SERPINB6: variants seen among roughly 807,000 people sequenced by gnomAD.
The protein encoded by SERPINB6 is serpin family B member 6.
In SERPINB6, 16 loss-of-function variants were observed where a neutral mutation model predicts 26.1. The ratio of observed to expected loss-of-function variants is 0.61; its 90% CI spans 0.42 to 0.93. SERPINB6 has a LOEUF of 0.93. Among genes scored for constraint, SERPINB6 ranks in the 40% least tolerant of loss-of-function variants. The pLI, the probability that SERPINB6 is intolerant of heterozygous loss-of-function variation, is 0.00. For missense variants in SERPINB6, 420 were observed against 478.0 expected (o/e 0.88, Z 1.13); for synonymous variants, 174 against 176.6 (o/e 0.99, Z 0.11).
intron 3 of SERPINB6, chr6:2,954,955 C>T (rs531123854): frequency 3.5e-5 from 16 of 460,842 alleles, no homozygotes; most frequent in South Asian, 1.2e-4. Flanking sequence ...TTTGGGGGGC[C>T]GAGGCGGGTG....
At chr6:2,964,181 G>A (rs1771401771) in intron 1 of SERPINB6, among the ~76,000 whole-genome samples, 3 of 152,068 alleles carry the variant, frequency 2.0e-5, no homozygotes. Context: ...GTATGATTTA[G>A]AATTATGTCA....
intron 4 of SERPINB6, 35 bp downstream of exon 4, chr6:2,954,557 G>T: frequency 6.8e-7 from 1 of 1,467,668 alleles, no homozygotes; most frequent in Non-Finnish European, 9.6e-7. Flanking sequence ...GGATTAAGAG[G>T]TTATTACAAA....
chr6:2,959,258 C>T lies in SERPINB6; in HGVS notation c.75G>A (p.Lys25=), dbSNP rs551674455. ...LLKTLGKDNS[K]NVFFSPMSMS... ...TGCTCATGGGTGAGAAAAACACATT[C>T]TTCGAGTTGTCTTTACCCAGCGTTT... Residue 25 remains lysine (K), a synonymous_variant, in exon 2 of 7, where the codon AAG becomes AAA. Coordinates refer to ENST00000380539, the MANE Select transcript of SERPINB6 (RefSeq NM_004568.6). The T allele has an allele frequency of 6.8e-6, 11 of 1,614,174 alleles. No homozygotes were observed. In the Admixed American group the frequency reaches 1.2e-4, roughly 17 times the overall value.
At chr6:2,952,904 C>G (rs972037287) in intron 5 of SERPINB6, 140 bp downstream of exon 5, 3 of 1,249,166 alleles carry the variant, frequency 2.4e-6, no homozygotes, top group Non-Finnish European at 3.4e-6. Flanking sequence ...GCCAGGCGCC[C>G]AGGGACACGA....
chr6:2,961,885 G>T, intron 1 of SERPINB6: 1 of 985,122 alleles, frequency 1.0e-6, no homozygotes, highest in Non-Finnish European at 1.2e-6. Flanking sequence ...AATGCTGAAG[G>T]ACTCTTACGC....
At chr6:2,970,804 T>A in intron 1 of SERPINB6, 14 of 1,200,896 alleles carry the variant, frequency 1.2e-5, no homozygotes, top group Non-Finnish European at 2.1e-6. Context: ...CTTGAAGACA[T>A]CAAAGCCTGT....
At chr6:2,954,909 G>T (rs1003371212) in intron 3 of SERPINB6, 200 bp from the exon 4 acceptor site, 2 of 570,370 alleles carry the variant, frequency 3.5e-6, no homozygotes, top group African/African-American at 3.8e-5. Context: ...CTAAGTCAAG[G>T]TCAGGTACTG....
At chr6:2,951,853 G>A (rs966725536) in intron 5 of SERPINB6, among the ~76,000 whole-genome samples, 1 of 152,158 alleles carries the variant, frequency 6.6e-6, no homozygotes, top group Non-Finnish European at 1.5e-5. Flanking sequence ...TTTCTGAAAC[G>A]CAGAACCACT....
At chr6:2,963,076 ATGG>A (rs990929854) in intron 1 of SERPINB6, among the ~76,000 whole-genome samples, 16 of 152,244 alleles carry the variant, frequency 1.1e-4, no homozygotes, top group African/African-American at 3.9e-4. Context: ...AAACAATTTG[ATGG>A]TCTACCCAAA....
chr6:2,949,632 C>G (rs1769552586), intron 5 of SERPINB6, among the ~76,000 whole-genome samples: 1 of 152,232 alleles, frequency 6.6e-6, no homozygotes, highest in Non-Finnish European at 1.5e-5. Flanking sequence ...CTGACCTGTT[C>G]CTTCTGCCTC....
chr6:2,956,059 A>G (rs1287589064), intron 2 of SERPINB6: 4 of 195,002 alleles, frequency 2.1e-5, no homozygotes, highest in Middle Eastern at 4.5e-3. Flanking sequence ...CTGGCGACAG[A>G]GTGAGACTCC....
intron 5 of SERPINB6, among the ~76,000 whole-genome samples, chr6:2,951,140 C>T (rs1394775751): frequency 6.6e-6 from 1 of 152,192 alleles, no homozygotes; most frequent in African/African-American, 2.4e-5. Flanking sequence ...AATCCCAGCA[C>T]TGTGGGAGGC....
chr6:2,950,056 C>T (rs1769602325), intron 5 of SERPINB6, among the ~76,000 whole-genome samples: 3 of 152,208 alleles, frequency 2.0e-5, no homozygotes, highest in Admixed American at 6.5e-5. Flanking sequence ...ACCCCAAACA[C>T]AGATTCCTAT....
intron 3 of SERPINB6, 89 bp from the exon 4 acceptor site, chr6:2,954,798 T>C: frequency 1.2e-6 from 1 of 862,914 alleles, no homozygotes; most frequent in Non-Finnish European, 2.0e-6. Context: ...TCAGAAAATC[T>C]ATAATTTTAT....
chr6:2,963,793 T>C (rs113672157), intron 1 of SERPINB6: 4 of 152,374 alleles, frequency 2.6e-5, no homozygotes, highest in Admixed American at 2.6e-4. Flanking sequence ...CCCACATGCA[T>C]ACAGGATCAG....
chr6:2,966,570 C>T (rs1475897994), intron 1 of SERPINB6: 3 of 193,290 alleles, frequency 1.6e-5, no homozygotes, highest in Non-Finnish European at 2.8e-5. Flanking sequence ...GAACTGTGCA[C>T]GTGGTGATCT....
At chr6:2,964,149 T>C (rs974798130) in intron 1 of SERPINB6, 1 of 152,198 alleles carries the variant, frequency 6.6e-6, no homozygotes, top group African/African-American at 2.4e-5. Flanking sequence ...ATACTGTAAA[T>C]TGGTACACCA....
At position 2,967,714 on chromosome 6, in the gene SERPINB6, T is replaced by A. The variant is rs944478028; in HGVS notation, c.-11+3819A>T. 6.6e-6 allele frequency: 1 copy of A among 152,150 alleles called. No individual in the cohort carries two copies. The highest frequency in any genetic ancestry group is 1.5e-5 in the Non-Finnish European group (1 of 68,028). The allele number at this position is 152,150 out of a possible 1,614,324, so 9.4% of individuals were successfully genotyped here. A position where few individuals can be genotyped will look rare whatever the true frequency, so the allele number is the denominator to read the frequency against. On this transcript the variant is annotated intron_variant, in intron 1 of 6. Transcript: ENST00000380539. The surrounding 1 kb of genome is among the most constrained non-coding windows in gnomAD (Gnocchi z 4.3). ...AAAAAGGCTCAGTATCACTGATCAT[T>A]AGAGAAATGCAAATCAAAACCACAA... is the stretch of plus-strand genomic sequence containing the variant.
chr6:2,969,237 TAAC>T, intron 1 of SERPINB6: 1 of 985,752 alleles, frequency 1.0e-6, no homozygotes, highest in Non-Finnish European at 1.2e-6. Context: ...AACGTGTGAG[TAAC>T]AAGGATGCCT....
Sources: gnomAD v4.1 joint callset for allele counts (sites outside exome capture counted in the v4.1 genomes callset) on GRCh38, gnomAD v4.1.1 for gene constraint, Gnocchi (gnomAD v3.1) non-coding constraint, MANE v1.5 for transcripts, NCBI Gene and HGNC (gene_info 2026-07-23, HGNC 2026-07-21) for gene names.